DIP2C: variants seen among roughly 807,000 people sequenced by gnomAD.
The protein encoded by DIP2C is disco-interacting protein 2 homolog C.
DIP2C carries 33 observed loss-of-function variants against 192.4 expected under a neutral mutation model. That is an observed-to-expected ratio of 0.17 (90% confidence interval 0.13 to 0.23). The LOEUF is 0.23. Among genes scored for constraint, DIP2C ranks in the 10% least tolerant of loss-of-function variants. The pLI, the probability that DIP2C is intolerant of heterozygous loss-of-function variation, is 1.00. For synonymous variants in DIP2C, 979 were observed against 864.1 expected (o/e 1.13, Z -2.33); for missense variants, 1,537 against 2,110.1 (o/e 0.73, Z 5.32).
At chr10:598,726 C>CT (rs1564249648) in intron 1 of DIP2C, among the ~76,000 whole-genome samples, 1 of 152,188 alleles carries the variant, frequency 6.6e-6, no homozygotes, top group Non-Finnish European at 1.5e-5. Flanking sequence ...TTTAGATTCT[C>CT]TTAAGTTTGA....
chr10:384,194 T>C, intron 15 of DIP2C, 48 bp from the exon 16 acceptor site: 3 of 1,580,022 alleles, frequency 1.9e-6, no homozygotes, highest in African/African-American at 1.4e-5. Context: ...CGTCAGATCG[T>C]CCCCTATTGC....
intron 4 of DIP2C, among the ~76,000 whole-genome samples, chr10:426,399 A>G (rs1471685260): frequency 6.6e-6 from 1 of 152,208 alleles, no homozygotes; most frequent in Non-Finnish European, 1.5e-5. Context: ...GAATTGGAAA[A>G]CTCAGTATTA....
intron 1 of DIP2C, among the ~76,000 whole-genome samples, chr10:622,408 A>AGGAGGGGGAGGGAGGGG (rs1853929661): frequency 2.8e-5 from 2 of 70,338 alleles, no homozygotes; most frequent in Admixed American, 1.5e-4. Context: ...GGAGGGAGGG[A>AGGAGGGGGAGGGAGGGG]GGGAAGAGAG....
chr10:476,186 G>A (rs1480516880), intron 2 of DIP2C, among the ~76,000 whole-genome samples: 2 of 152,154 alleles, frequency 1.3e-5, no homozygotes, highest in Non-Finnish European at 2.9e-5. Flanking sequence ...AGAGTCTGGA[G>A]AACAAAGAGC....
At position 349,392 on chromosome 10, in the gene DIP2C, C is replaced by G; in HGVS notation, c.3048G>C (p.Val1016=). The part of the protein sequence containing the change: ...QLHKRAEKIA[V]MLMERGHLQD... ...GAAGGTGGCCCCTCTCCATCAGCAT[C>G]ACGGCGATCTTCTCAGCTCTCTTGT... The change falls in exon 25 of 37, where the codon GTG becomes GTC. Residue 1016 remains valine (V), a synonymous_variant. Transcript: ENST00000280886. 6.2e-7 allele frequency: 1 copy of G among 1,611,564 alleles called. No individual in the cohort carries two copies. The highest frequency in any genetic ancestry group is 1.6e-4 in the Middle Eastern group (1 of 6,062).
At chr10:525,021 C>T (rs930590494) in intron 1 of DIP2C, among the ~76,000 whole-genome samples, 1 of 143,890 alleles carries the variant, frequency 6.9e-6, no homozygotes, top group Non-Finnish European at 1.5e-5. Flanking sequence ...AAGACCAAAT[C>T]CAGGATATTC....
intron 1 of DIP2C, among the ~76,000 whole-genome samples, chr10:594,976 T>TCA (rs1338011984): frequency 2.0e-5 from 3 of 152,176 alleles, no homozygotes; most frequent in African/African-American, 7.2e-5. Flanking sequence ...GAACACGCCC[T>TCA]CACCGCAGAC....
chr10:355,463 T>G (rs1188232886), intron 24 of DIP2C, among the ~76,000 whole-genome samples: 2 of 152,244 alleles, frequency 1.3e-5, no homozygotes, highest in Admixed American at 6.5e-5. Context: ...ATTTTGATAC[T>G]CAGCAATTCT....
At chr10:611,920 T>C (rs929887169) in intron 1 of DIP2C, among the ~76,000 whole-genome samples, 1 of 152,164 alleles carries the variant, frequency 6.6e-6, no homozygotes, top group African/African-American at 2.4e-5. Context: ...TCAACTGGTG[T>C]CCGAATCCCT....
In DIP2C at chr10:384,631, C is replaced by A; in HGVS notation, c.1671G>T (p.Met557Ile). ...GGATGCTGATCACATGCATCATGTT[C>A]ATGACGCTCTGCAATCAACAAAGGA... ...GLWHGILTSV[M>I]NMMHVISIPY... is the part of the protein sequence containing the mutation. The change falls in exon 15 of 37, where the codon ATG (methionine) becomes ATT (isoleucine). Residue 557 changes from methionine to isoleucine, a missense_variant. Met to Ile is a conservative substitution (Grantham distance 10). Transcript: ENST00000280886. 1 of 1,613,934 alleles carries A rather than the reference C, an allele frequency of 6.2e-7. No homozygotes were observed. The highest frequency in any genetic ancestry group is 8.5e-7 in the Non-Finnish European group (1 of 1,180,028).
intron 1 of DIP2C, among the ~76,000 whole-genome samples, chr10:591,661 C>T (rs1377756666): frequency 6.6e-6 from 1 of 152,184 alleles, no homozygotes; most frequent in South Asian, 2.1e-4. Flanking sequence ...TTTTCATCTG[C>T]CTGCCGGTGA....
At chr10:584,813 C>T (rs574042005) in intron 1 of DIP2C, among the ~76,000 whole-genome samples, 1 of 122,540 alleles carries the variant, frequency 8.2e-6, no homozygotes, top group East Asian at 2.7e-4. Flanking sequence ...TCTCGGGGCC[C>T]GCGACCTGAC....
At chr10:451,511 C>A (rs1968845773) in intron 3 of DIP2C, among the ~76,000 whole-genome samples, 1 of 152,300 alleles carries the variant, frequency 6.6e-6, no homozygotes, top group Admixed American at 6.5e-5. Context: ...TTGCCCCAAA[C>A]TGGATATTCT....
rs115197661 is a variant in DIP2C, at chr10:569,188, G to A, written c.86-82658C>T. ...AGAAAAAGAATATGCAGAGACTTCC[G>A]TGGCCCACAAGGCATAACACATTGC... On this transcript the variant is annotated intron_variant, in intron 1 of 36. Transcript: ENST00000280886. 3.4e-3 allele frequency among the ~76,000 whole-genome samples: 518 copies of A among 152,274 alleles called. 2 individuals carry two copies. Among genetic ancestry groups the A allele is most frequent in the African/African-American group, 0.012 (492 of 41,540 alleles).
At chr10:477,815 A>G (rs1843192888) in intron 2 of DIP2C, among the ~76,000 whole-genome samples, 1 of 133,742 alleles carries the variant, frequency 7.5e-6, no homozygotes, top group Non-Finnish European at 1.6e-5. Flanking sequence ...AAGAGAAGGA[A>G]AACAAGAGAG....
intron 4 of DIP2C, among the ~76,000 whole-genome samples, chr10:433,774 G>A (rs1414715777): frequency 6.6e-6 from 1 of 152,096 alleles, no homozygotes; most frequent in Non-Finnish European, 1.5e-5. Context: ...ATCTAAAGTA[G>A]ATTTCTTATA....
At chr10:457,435 G>A (rs942653645) in intron 3 of DIP2C, among the ~76,000 whole-genome samples, 23 of 152,122 alleles carry the variant, frequency 1.5e-4, no homozygotes, top group African/African-American at 5.3e-4. Context: ...CCCCTAACCT[G>A]TTTCTGCCTT....
rs915150476 is a variant in DIP2C, at chr10:600,026, G to A, written c.85+89468C>T. Among the ~76,000 whole-genome samples the A allele has an allele frequency of 9.9e-5, 15 of 152,284 alleles. No individual in the cohort carries two copies. The East Asian group carries it at 1.2e-3, about 12-fold the overall frequency. ...TGCCTCATGCCAGCGGGCATCCAGC[G>A]GCAAGGAGGTCTGCACTTCATTCCC... On this transcript the variant is annotated intron_variant, in intron 1 of 36. Coordinates refer to ENST00000280886, the MANE Select transcript of DIP2C (RefSeq NM_014974.3).
At chr10:589,253 T>A (rs918945250) in intron 1 of DIP2C, among the ~76,000 whole-genome samples, 6 of 152,186 alleles carry the variant, frequency 3.9e-5, no homozygotes, top group African/African-American at 1.4e-4. Context: ...GCTGCATGAT[T>A]TGTAGACATC....
Sources: gnomAD v4.1 joint callset for allele counts (sites outside exome capture counted in the v4.1 genomes callset) on GRCh38, gnomAD v4.1.1 for gene constraint, MANE v1.5 for transcripts, NCBI Gene and HGNC (gene_info 2026-07-23, HGNC 2026-07-21) for gene names.